ZNF292: variants seen among roughly 807,000 people sequenced by gnomAD.
ZNF292 encodes 16 zinc-finger domain protein.
A neutral mutation model predicts 217.9 loss-of-function variants in ZNF292; 26 were observed. The ratio of observed to expected loss-of-function variants is 0.12; its 90% CI spans 0.09 to 0.17. The LOEUF is 0.17. Ranked by LOEUF, ZNF292 falls within the 10% of genes least tolerant of loss-of-function variation. The probability of loss-of-function intolerance (pLI) is 1.00; values close to 1 mark genes in which losing one functional copy is unlikely to be tolerated. For synonymous variants in ZNF292, 1,257 were observed against 1,124.1 expected, an observed-to-expected ratio of 1.12 and a Z score of -2.37; for missense variants, 2,904 against 3,175.2, an observed-to-expected ratio of 0.91 and a Z score of 2.05.
chr6:87,157,453 A>C (rs766563016), intron 1 of ZNF292, among the ~76,000 whole-genome samples: 37 of 152,332 alleles, frequency 2.4e-4, no homozygotes, highest in Non-Finnish European at 4.0e-4. Flanking sequence ...AAGTCGAATC[A>C]GTTTTTATAT....
chr6:87,222,468 T>C (rs1479910736), intron 4 of ZNF292, among the ~76,000 whole-genome samples: 1 of 152,178 alleles, frequency 6.6e-6, no homozygotes, highest in Non-Finnish European at 1.5e-5. Flanking sequence ...TTTTCAGACT[T>C]TCCTTGTTTT....
At position 87,255,735 on chromosome 6, in the gene ZNF292, G is replaced by A. The variant is rs368054807; in HGVS notation, c.2106G>A (p.Val702=). The A allele has an allele frequency of 1.1e-5, 18 of 1,613,530 alleles. No homozygotes were observed. Among genetic ancestry groups the A allele is most frequent in the African/African-American group, 2.7e-5 (2 of 74,892 alleles). The change falls in exon 8 of 8, where the codon GTG becomes GTA. Residue 702 remains valine, a synonymous_variant. Coordinates refer to ENST00000369577, the MANE Select transcript of ZNF292 (RefSeq NM_015021.3). ...FKYFKNLIAH[V]KGHKDNEDAK... ...ACTTTAAAAATTTAATTGCTCATGT[G>A]AAGGGGCATAAAGATAATGAAGACG...
rs769253726 is a variant in ZNF292, at chr6:87,243,549, T to C, written c.816T>C (p.Ala272=). ...AATCTGAGGGTGATGAAAAAAGCGC[T>C]CTTGTTTTATGTACTGCGTTTTTGT... ...NLESEGDEKS[A]LVLCTAFLSR... The change falls in exon 6 of 8, where the codon GCT becomes GCC. Residue 272 remains alanine (A), a synonymous_variant. Transcript: ENST00000369577. 10 of 1,560,518 alleles carry C rather than the reference T, an allele frequency of 6.4e-6. No individual in the cohort carries two copies. Among genetic ancestry groups the C allele is most frequent in the Non-Finnish European group, 8.7e-6 (10 of 1,151,012 alleles).
chr6:87,217,376 T>G (rs1202669661), intron 3 of ZNF292, among the ~76,000 whole-genome samples: 1 of 152,116 alleles, frequency 6.6e-6, no homozygotes, highest in Non-Finnish European at 1.5e-5. Flanking sequence ...AATAACTGTT[T>G]GTTGAAATGA....
intron 1 of ZNF292, among the ~76,000 whole-genome samples, chr6:87,200,466 AAAAAAAAATCTC>A (rs989243115): frequency 1.1e-4 from 15 of 136,726 alleles, no homozygotes; most frequent in Non-Finnish European, 1.6e-4. Context: ...TAGACATTTA[AAAAAAAAATCTC>A]TGCTCCCATT....
chr6:87,167,832 A>C (rs1429204618), intron 1 of ZNF292, among the ~76,000 whole-genome samples: 1 of 152,226 alleles, frequency 6.6e-6, no homozygotes, highest in Non-Finnish European at 1.5e-5. Flanking sequence ...TCGCTGATTC[A>C]GAAAATGCCA....
intron 1 of ZNF292, among the ~76,000 whole-genome samples, chr6:87,179,158 C>CTTTT (rs10670719): frequency 0.036 from 4,170 of 116,138 alleles, 311 homozygotes; most frequent in African/African-American, 0.072. Flanking sequence ...ATATATGTGG[C>CTTTT]TTTTTTTTTT....
chr6:87,231,173 T>C (rs1015615217), intron 4 of ZNF292, among the ~76,000 whole-genome samples: 4 of 152,128 alleles, frequency 2.6e-5, no homozygotes, highest in African/African-American at 9.7e-5. Context: ...GAGCTTTCAA[T>C]AGGACTGAAT....
intron 1 of ZNF292, among the ~76,000 whole-genome samples, chr6:87,173,070 G>A (rs1011480275): frequency 6.6e-6 from 1 of 151,958 alleles, no homozygotes; most frequent in Non-Finnish European, 1.5e-5. Context: ...ATAACTTTAT[G>A]TAGTATAAAA....
intron 7 of ZNF292, among the ~76,000 whole-genome samples, chr6:87,252,915 AT>A (rs1385733235): frequency 6.6e-6 from 1 of 151,116 alleles, no homozygotes; most frequent in Non-Finnish European, 1.5e-5. Flanking sequence ...TTTTTTTATT[AT>A]TATTTTTAAG....
At chr6:87,234,562 A>T (rs994395571) in intron 5 of ZNF292, among the ~76,000 whole-genome samples, 1 of 151,922 alleles carries the variant, frequency 6.6e-6, no homozygotes, top group African/African-American at 2.4e-5. Flanking sequence ...CTGTCGCAAA[A>T]AAAAAAAAAA....
chr6:87,212,534 G>C (rs1166011089), intron 1 of ZNF292, among the ~76,000 whole-genome samples: 1 of 152,198 alleles, frequency 6.6e-6, no homozygotes, highest in African/African-American at 2.4e-5. Context: ...CACTTACGTA[G>C]ATTTCAAGGG....
At position 87,261,496 on chromosome 6, in the gene ZNF292, T is replaced by A. The variant is rs770339676; in HGVS notation, c.7867T>A (p.Ser2623Thr). The change falls in exon 8 of 8, where the codon TCC (serine) becomes ACC (threonine). Residue 2623 changes from serine (S) to threonine (T), a missense_variant. Ser to Thr is a moderately conservative substitution (Grantham distance 58). Transcript: ENST00000369577. ...TCCGAATACTGGAAACAAAAAAGGA[T>A]CCCATTCAAATTCAAGAAAAAATAT... ...DHPNTGNKKG[S>T]HSNSRKNIDK... is the part of the protein sequence containing the mutation. 1.2e-6 allele frequency: 2 copies of A among 1,605,140 alleles called. No individual in the cohort carries two copies. Among genetic ancestry groups the A allele is most frequent in the African/African-American group, 1.3e-5 (1 of 74,728 alleles).
At chr6:87,247,825 G>T (rs893580610) in intron 7 of ZNF292, among the ~76,000 whole-genome samples, 1 of 152,146 alleles carries the variant, frequency 6.6e-6, no homozygotes, top group Non-Finnish European at 1.5e-5. Context: ...AGGAATTAAA[G>T]TATGAGAAAG....
chr6:87,241,735 A>C (rs927484527), intron 5 of ZNF292, among the ~76,000 whole-genome samples: 1 of 152,194 alleles, frequency 6.6e-6, no homozygotes, highest in East Asian at 1.9e-4. Context: ...TTGGATCTTT[A>C]ATGTCAGCCA....
chr6:87,160,487 ATATATGTG>A (rs1382597096), intron 1 of ZNF292, among the ~76,000 whole-genome samples: 86 of 77,920 alleles, frequency 1.1e-3, no homozygotes, highest in African/African-American at 2.9e-3. Flanking sequence ...GTGTTTGTAT[ATATATGTG>A]TGTGTGTGTG....
In ZNF292 at chr6:87,260,161, G is replaced by A. The variant is rs781557180; in HGVS notation, c.6532G>A (p.Asp2178Asn). 5.6e-6 allele frequency: 9 copies of A among 1,612,990 alleles called. No individual in the cohort carries two copies. In the South Asian group the frequency reaches 8.8e-5, roughly 16 times the overall value. The change falls in exon 8 of 8, where the codon GAC becomes AAC. Residue 2178 changes from aspartate to asparagine, a missense_variant. This residue lies in a region of ZNF292 where 261 missense variants were observed against 272.8 expected (regional missense o/e 0.96). Transcript: ENST00000369577. Reference protein sequence around the residue: ...TLKEFRCQVSDCSRIFQAITG... With the variant: ...TLKEFRCQVSNCSRIFQAITG... ...GAAAGAATTTCGATGTCAGGTAAGT[G>A]ACTGTTCTCGAATTTTCCAAGCAAT...
At chr6:87,198,290 C>T (rs865855984) in intron 1 of ZNF292, among the ~76,000 whole-genome samples, 4 of 152,052 alleles carry the variant, frequency 2.6e-5, no homozygotes, top group Non-Finnish European at 2.9e-5. Context: ...CTGCAACCTC[C>T]GCCTCCCGGG....
At chr6:87,235,246 T>C (rs1264655913) in intron 5 of ZNF292, among the ~76,000 whole-genome samples, 1 of 152,108 alleles carries the variant, frequency 6.6e-6, no homozygotes, top group Non-Finnish European at 1.5e-5. Flanking sequence ...TGTTGTAACA[T>C]TTTTAAAAAA....
Sources: allele counts gnomAD v4.1 joint callset (sites outside exome capture counted in the v4.1 genomes callset), GRCh38; gene constraint gnomAD v4.1.1; regional missense constraint gnomAD v4.1.1; transcripts MANE v1.5; gene names NCBI Gene and HGNC (gene_info 2026-07-23, HGNC 2026-07-21).